CYP26A1: variants seen among roughly 807,000 people sequenced by gnomAD.
The protein encoded by CYP26A1 is cytochrome P450 26A1.
A neutral mutation model predicts 47.4 loss-of-function variants in CYP26A1; 46 were observed. That is an observed-to-expected ratio of 0.97 (90% CI 0.77 to 1.24). The LOEUF is 1.24. Among genes scored for constraint, CYP26A1 ranks in the 50% most tolerant of loss-of-function variants. CYP26A1 has a pLI of 0.00. For missense variants in CYP26A1, 680 were observed against 644.4 expected, an observed-to-expected ratio of 1.06 and a Z score of -0.60; for synonymous variants, 277 against 263.7, an observed-to-expected ratio of 1.05 and a Z score of -0.49.
rs1846993989 is a variant in CYP26A1, at chr10:93,077,568, G to T, written c.*264G>T. Reference sequence around the variant, plus strand: ...AGTATTTTCTTAGTGTATTTAACCAGATTTTACAATGCCTACCTGGACTTA... The same window carrying T: ...AGTATTTTCTTAGTGTATTTAACCATATTTTACAATGCCTACCTGGACTTA... On this transcript the variant is annotated 3_prime_UTR_variant, in exon 7 of 7. Coordinates refer to ENST00000224356, the MANE Select transcript of CYP26A1 (RefSeq NM_000783.4). 2 of 236,722 alleles carry T rather than the reference G, an allele frequency of 8.4e-6. No homozygotes were observed. The highest frequency in any genetic ancestry group is 1.6e-5 in the Non-Finnish European group (2 of 125,208). 14.7% of individuals were successfully genotyped at this position (236,722 alleles called of 1,614,324 possible). A position where few individuals can be genotyped will look rare whatever the true frequency, so the allele number is the denominator to read the frequency against.
intron 5 of CYP26A1, 113 bp downstream of exon 5, chr10:93,076,073 G>C: frequency 1.3e-6 from 1 of 796,900 alleles, no homozygotes. Context: ...TGAAAGTGCA[G>C]GGCCCAGGGC....
In CYP26A1 at chr10:93,074,764, C is replaced by G. The variant is rs1241798133; in HGVS notation, c.415-15C>G. ...GGATGGAGGCTTTTAACGCTGTCCCCTCCTCGGGACTCAGGTGATTATGCG... is the reference window on the plus strand; with the variant it reads ...GGATGGAGGCTTTTAACGCTGTCCCGTCCTCGGGACTCAGGTGATTATGCG... On this transcript the variant is annotated splice_polypyrimidine_tract_variant and intron_variant, in intron 2 of 6. Coordinates refer to ENST00000224356, the MANE Select transcript of CYP26A1 (RefSeq NM_000783.4). The surrounding 1 kb of genome is among the most constrained non-coding windows in gnomAD (Gnocchi z 5.3). 6.3e-7 allele frequency: 1 copy of G among 1,591,040 alleles called. No individual in the cohort carries two copies.
chr10:93,074,083 G>A lies in CYP26A1; in HGVS notation c.149G>A (p.Gly50Asp), dbSNP rs1846933579. ...CTCCCATTGCCCCCCGGGACTATGG[G>A]CTTCCCCTTCTTTGGGGAAACCTTG... is the stretch of plus-strand genomic sequence containing the variant. ...CALPLPPGTM[G>D]FPFFGETLQM... The change falls in exon 1 of 7, where the codon GGC becomes GAC. Residue 50 changes from glycine to aspartate, a missense_variant. Gly to Asp is a moderately conservative substitution (Grantham distance 94, BLOSUM62 -1). Coordinates refer to ENST00000224356, the MANE Select transcript of CYP26A1 (RefSeq NM_000783.4). This position sits in a 1 kb window ranked among gnomAD's most constrained non-coding sequence, Gnocchi z 5.3. 4 of 1,569,722 alleles carry A rather than the reference G, an allele frequency of 2.5e-6. No homozygotes were observed. Among genetic ancestry groups the A allele is most frequent in the African/African-American group, 1.4e-5 (1 of 73,338 alleles).
At position 93,075,958 on chromosome 10, in the gene CYP26A1, A is replaced by G; in HGVS notation, c.997A>G (p.Lys333Glu). ...GAAAGTGCGAGAAGAGCTGAAGAGTAAGGTAGGGAGACTGGGTCTGGGGGT... is the reference window on the plus strand; with the variant it reads ...GAAAGTGCGAGAAGAGCTGAAGAGTGAGGTAGGGAGACTGGGTCTGGGGGT... The part of the protein sequence containing the change: ...LQKVREELKS[K>E]GLLCKSNQDN... Residue 333 changes from lysine (K) to glutamate (E), a missense_variant and splice_region_variant, in exon 5 of 7, where the codon AAG (lysine) becomes GAG (glutamate). Lys to Glu is a moderately conservative substitution (Grantham distance 56). Transcript: ENST00000224356. 1.2e-6 allele frequency: 2 copies of G among 1,612,790 alleles called. No homozygotes were observed. Among genetic ancestry groups the G allele is most frequent in the Non-Finnish European group, 1.7e-6 (2 of 1,178,736 alleles).
chr10:93,074,181 T>TTC lies in CYP26A1; in HGVS notation c.189+60_189+61dup. The TTC allele has an allele frequency of 6.6e-7, 1 of 1,520,698 alleles. No homozygotes were observed. Among genetic ancestry groups the TTC allele is most frequent in the Non-Finnish European group, 8.8e-7 (1 of 1,132,496 alleles). 94.2% of individuals were successfully genotyped at this position (1,520,698 alleles called of 1,614,324 possible). ...CCCGGAGCCCGGCGCGGCTCTGGGC[T>TTC]TCTGCTGAAGTCGGGGTAGGCGCCC... On this transcript the variant is annotated intron_variant, in intron 1 of 6. Coordinates refer to ENST00000224356, the MANE Select transcript of CYP26A1 (RefSeq NM_000783.4). The surrounding 1 kb of genome is among the most constrained non-coding windows in gnomAD (Gnocchi z 5.3).
In CYP26A1 at chr10:93,074,139, GCGGGA is replaced by G; in HGVS notation, c.189+18_189+22del. On this transcript the variant is annotated intron_variant, in intron 1 of 6. Transcript: ENST00000224356. The surrounding 1 kb of genome is among the most constrained non-coding windows in gnomAD (Gnocchi z 5.3). ...GGTACTGCAGGTAAGGGAGGGTGGG[GCGGGA>G]CAGGCTGCTTCCCCGGAGCCCGGCG... 6.6e-7 allele frequency: 1 copy of G among 1,521,520 alleles called. No individual in the cohort carries two copies. The highest frequency in any genetic ancestry group is 8.9e-7 in the Non-Finnish European group (1 of 1,126,580). 94.3% of individuals were successfully genotyped at this position (1,521,520 alleles called of 1,614,324 possible).
In CYP26A1 at chr10:93,075,057, C is replaced by T. The variant is rs747495499; in HGVS notation, c.693C>T (p.Ser231=). 6.2e-7 allele frequency: 1 copy of T among 1,612,630 alleles called. No individual in the cohort carries two copies. Among genetic ancestry groups the T allele is most frequent in the Non-Finnish European group, 8.5e-7 (1 of 1,179,730 alleles). ...CGCTGCCCATCGACGTGCCCTTCAG[C>T]GGGCTGTACCGGGTAAGGGCGGCAA... ...LFSLPIDVPF[S]GLYRGMKARN... is the part of the protein sequence containing the mutation. Residue 231 remains serine, a synonymous_variant, in exon 3 of 7, where the codon AGC becomes AGT. Coordinates refer to ENST00000224356, the MANE Select transcript of CYP26A1 (RefSeq NM_000783.4).
chr10:93,073,897 G>T lies in CYP26A1; in HGVS notation c.-38G>T. On this transcript the variant is annotated 5_prime_UTR_variant, in exon 1 of 7. Coordinates refer to ENST00000224356, the MANE Select transcript of CYP26A1 (RefSeq NM_000783.4). Reference sequence around the variant, plus strand: ...CAGCGCCGTGGGGTTTGAAGCGCTGGCGGCGGCGGCAGGTGGCGCGGGAGG... The same window carrying T: ...CAGCGCCGTGGGGTTTGAAGCGCTGTCGGCGGCGGCAGGTGGCGCGGGAGG... 1.4e-6 allele frequency: 1 copy of T among 723,832 alleles called. No individual in the cohort carries two copies. The highest frequency in any genetic ancestry group is 1.6e-5 in the South Asian group (1 of 64,296). 44.8% of individuals were successfully genotyped at this position (723,832 alleles called of 1,614,324 possible).
At position 93,074,953 on chromosome 10, in the gene CYP26A1, G is replaced by C; in HGVS notation, c.589G>C (p.Glu197Gln). The change falls in exon 3 of 7, where the codon GAA becomes CAA. Residue 197 changes from glutamate (E) to glutamine (Q), a missense_variant. Glu to Gln is a conservative substitution (Grantham distance 29, BLOSUM62 2). Transcript: ENST00000224356. The surrounding 1 kb of genome is among the most constrained non-coding windows in gnomAD (Gnocchi z 5.3). ...RIAMRILLGC[E>Q]PQLAGDGDSE... ...CGCCATGCGCATCCTACTGGGCTGCGAACCCCAACTGGCGGGCGACGGGGA... is the reference window on the plus strand; with the variant it reads ...CGCCATGCGCATCCTACTGGGCTGCCAACCCCAACTGGCGGGCGACGGGGA... 2 of 1,613,286 alleles carry C rather than the reference G, an allele frequency of 1.2e-6. No individual in the cohort carries two copies. Among genetic ancestry groups the C allele is most frequent in the Non-Finnish European group, 1.7e-6 (2 of 1,180,026 alleles).
chr10:93,073,514 G>T (rs931031870), upstream of CYP26A1: 1 of 188,894 alleles, frequency 5.3e-6, no homozygotes, highest in Admixed American at 5.8e-5. Context: ...GCTGCTTTGG[G>T]CCGGGGCAGC....
At chr10:93,073,708 C>T (rs1846926648), upstream of CYP26A1, 1 of 535,412 alleles carries the variant, frequency 1.9e-6, no homozygotes, top group East Asian at 3.3e-5. Flanking sequence ...AAGCCGCCAC[C>T]GCGCCGCCTC....
At position 93,075,017 on chromosome 10, in the gene CYP26A1, C is replaced by T. The variant is rs374294057; in HGVS notation, c.653C>T (p.Thr218Ile). 6.2e-6 allele frequency: 10 copies of T among 1,613,096 alleles called. No homozygotes were observed. The highest frequency in any genetic ancestry group is 8.5e-6 in the Non-Finnish European group (10 of 1,180,012). Residue 218 changes from threonine to isoleucine, a missense_variant, in exon 3 of 7, where the codon ACC becomes ATC. By Grantham distance (89) the Thr-to-Ile change is moderately conservative. Coordinates refer to ENST00000224356, the MANE Select transcript of CYP26A1 (RefSeq NM_000783.4). ...QQLVEAFEEM[T>I]RNLFSLPIDV... The stretch of plus-strand genomic sequence containing the variant: ...CTTGTGGAGGCCTTCGAGGAAATGA[C>T]CCGCAATCTCTTCTCGCTGCCCATC...
chr10:93,076,619 G>C lies in CYP26A1; in HGVS notation c.1075G>C (p.Val359Leu), dbSNP rs1564958027. Residue 359 changes from valine (V) to leucine (L), a missense_variant, in exon 6 of 7, where the codon GTT becomes CTT. Val to Leu is a conservative substitution (Grantham distance 32, BLOSUM62 1). Transcript: ENST00000224356. ...GGAACAACTTAAATACATCGGGTGTGTTATTAAGGAGACCCTTCGACTGAA... is the reference window on the plus strand; with the variant it reads ...GGAACAACTTAAATACATCGGGTGTCTTATTAAGGAGACCCTTCGACTGAA... ...ILEQLKYIGC[V>L]IKETLRLNPP... 5.6e-6 allele frequency: 9 copies of C among 1,608,556 alleles called. No homozygotes were observed. Among genetic ancestry groups the C allele is most frequent in the Non-Finnish European group, 6.8e-6 (8 of 1,174,872 alleles).
At chr10:93,075,381 C>A in intron 4 of CYP26A1, 74 bp downstream of exon 4, 1 of 1,429,322 alleles carries the variant, frequency 7.0e-7, no homozygotes, top group East Asian at 2.4e-5. Context: ...CTGGGGCCCC[C>A]AAAGCGCGCG....
rs1181386357 is a variant in CYP26A1 at position 93,077,664 on chromosome 10, AAT to A, written c.*365_*366del. On this transcript the variant is annotated 3_prime_UTR_variant, in exon 7 of 7. Coordinates refer to ENST00000224356, the MANE Select transcript of CYP26A1 (RefSeq NM_000783.4). ...TTTTTTATGTTAACAGTTATTAGAA[AAT>A]ATATGTCTGTGTGTGTTATTCCAGA... The A allele has an allele frequency of 6.4e-6, 1 of 156,584 alleles. No individual in the cohort carries two copies. Among genetic ancestry groups the A allele is most frequent in the Non-Finnish European group, 1.4e-5 (1 of 71,238 alleles). 9.7% of individuals were successfully genotyped at this position (156,584 alleles called of 1,614,324 possible).
Sources: gnomAD v4.1 joint callset for allele counts on GRCh38, gnomAD v4.1.1 for gene constraint, Gnocchi (gnomAD v3.1) non-coding constraint, MANE v1.5 for transcripts, NCBI Gene and HGNC (gene_info 2026-07-23, HGNC 2026-07-21) for gene names.